Variants in XPO6 observed in about 807,000 individuals in gnomAD.
The protein encoded by XPO6 is exportin-6.
A neutral mutation model predicts 130.0 loss-of-function variants in XPO6; 3 were observed. The observed-to-expected ratio is 0.02, with a 90% CI of 0.01 to 0.06. The LOEUF is 0.06. Ranked by LOEUF, XPO6 falls within the 10% of genes least tolerant of loss-of-function variation. The probability of loss-of-function intolerance (pLI) is 1.00; values close to 1 mark genes in which losing one functional copy is unlikely to be tolerated. For missense variants in XPO6, 970 were observed against 1,393.0 expected (o/e 0.70, Z 4.83); for synonymous variants, 524 against 548.9 (o/e 0.95, Z 0.63).
At chr16:28,211,241 G>T in intron 1 of XPO6, 125 bp downstream of exon 1, 1 of 1,031,424 alleles carries the variant, frequency 9.7e-7, no homozygotes, top group Non-Finnish European at 1.3e-6. Context: ...ATGTGTCACC[G>T]GCCAGGCTCC....
Position 28,106,642 on chromosome 16 carries a change from C to T in XPO6, c.2498-145G>A, listed in dbSNP as rs921285695. ...AAACATTTCCCCAACACCATCAGGGCCAATGATGGAAAGTGGAAAACGATT... is the reference window on the plus strand; with the variant it reads ...AAACATTTCCCCAACACCATCAGGGTCAATGATGGAAAGTGGAAAACGATT... On this transcript the variant is annotated intron_variant, in intron 18 of 23. Transcript: ENST00000304658. This position sits in a 1 kb window ranked among gnomAD's most constrained non-coding sequence, Gnocchi z 4.2. The T allele has an allele frequency of 4.6e-6, 3 of 651,766 alleles. No homozygotes were observed. The Admixed American group carries it at 8.1e-5, about 18-fold the overall frequency. The allele number at this position is 651,766 out of a possible 1,614,324, so 40.4% of individuals were successfully genotyped here.
At position 28,147,580 on chromosome 16, in the gene XPO6, A is replaced by C. The variant is rs181586985; in HGVS notation, c.1225-1377T>G. On this transcript the variant is annotated intron_variant, in intron 8 of 23. Transcript: ENST00000304658. ...GTCCTGTCTCTACCTCATACTTGGC[A>C]ATACTGACAATATCCACGACATGAA... Among the ~76,000 whole-genome samples the C allele has an allele frequency of 2.0e-5, 3 of 152,348 alleles. No homozygotes were observed. In the East Asian group the frequency reaches 5.8e-4, roughly 29 times the overall value.
At chr16:28,133,702 C>T in intron 11 of XPO6, 139 bp downstream of exon 11, 2 of 754,852 alleles carry the variant, frequency 2.6e-6, no homozygotes, top group Non-Finnish European at 4.2e-6. Flanking sequence ...TTGAGCATCA[C>T]TTATGGTAAT....
At chr16:28,181,366 G>C (rs1596944797) in intron 1 of XPO6, among the ~76,000 whole-genome samples, 1 of 152,184 alleles carries the variant, frequency 6.6e-6, no homozygotes, top group South Asian at 2.1e-4. Flanking sequence ...GGGCAGAGCA[G>C]AGAGATTCAA....
intron 14 of XPO6, among the ~76,000 whole-genome samples, chr16:28,118,941 G>A (rs1270834864): frequency 6.6e-6 from 1 of 152,190 alleles, no homozygotes; most frequent in Non-Finnish European, 1.5e-5. Flanking sequence ...AAACGGATAG[G>A]ATTGCTACTG....
At chr16:28,146,513 T>A (rs1305394914) in intron 8 of XPO6, among the ~76,000 whole-genome samples, 2 of 152,200 alleles carry the variant, frequency 1.3e-5, no homozygotes, top group Non-Finnish European at 2.9e-5. Flanking sequence ...TTACAGATCA[T>A]CTAGTTTAAA....
At chr16:28,109,950 G>A (rs1436524609) in intron 17 of XPO6, among the ~76,000 whole-genome samples, 1 of 152,148 alleles carries the variant, frequency 6.6e-6, no homozygotes, top group Non-Finnish European at 1.5e-5. Flanking sequence ...GCAGAAAAAA[G>A]CATAAATGTG....
At chr16:28,177,793 G>C (rs1260158114) in intron 2 of XPO6, among the ~76,000 whole-genome samples, 1 of 152,094 alleles carries the variant, frequency 6.6e-6, no homozygotes, top group East Asian at 1.9e-4. Context: ...AAAAAGAAAA[G>C]ATTAAGACTA....
At chr16:28,182,633 T>G (rs1022374698) in intron 1 of XPO6, among the ~76,000 whole-genome samples, 2 of 152,238 alleles carry the variant, frequency 1.3e-5, no homozygotes, top group African/African-American at 4.8e-5. Context: ...CTAAAAAATA[T>G]CCTTGGCTTG....
At chr16:28,114,849 A>C (rs2087015286) in intron 15 of XPO6, among the ~76,000 whole-genome samples, 1 of 152,348 alleles carries the variant, frequency 6.6e-6, no homozygotes, top group East Asian at 1.9e-4. Context: ...CTGCTGCTTC[A>C]TCAACTGAGT....
chr16:28,148,411 A>G (rs2043022929), intron 8 of XPO6, among the ~76,000 whole-genome samples: 1 of 152,172 alleles, frequency 6.6e-6, no homozygotes, highest in African/African-American at 2.4e-5. Context: ...CCGGTCATCA[A>G]GATGATGGGC....
At chr16:28,201,149 T>C (rs138776061) in intron 1 of XPO6, among the ~76,000 whole-genome samples, 3 of 152,130 alleles carry the variant, frequency 2.0e-5, no homozygotes, top group Non-Finnish European at 4.4e-5. Context: ...TCTGACAACT[T>C]CCCTTGCTCA....
chr16:28,169,959 A>C, intron 4 of XPO6, 50 bp from the exon 5 acceptor site: 1 of 1,601,614 alleles, frequency 6.2e-7, no homozygotes, highest in African/African-American at 1.3e-5. Flanking sequence ...AATAAAGTAC[A>C]AAGAGGACTC....
intron 6 of XPO6, chr16:28,165,284 A>C (rs905643541): frequency 2.6e-5 from 4 of 152,248 alleles, no homozygotes; most frequent in Non-Finnish European, 5.9e-5. Flanking sequence ...GGATACTCCA[A>C]GACATTCGTT....
Position 28,101,291 on chromosome 16 carries a change from T to A in XPO6, c.3276+167A>T, listed in dbSNP as rs1464419406. 8.6e-6 allele frequency: 6 copies of A among 700,012 alleles called. No homozygotes were observed. The highest frequency in any genetic ancestry group is 1.6e-5 in the Non-Finnish European group (6 of 385,730). 43.4% of individuals were successfully genotyped at this position (700,012 alleles called of 1,614,324 possible). On this transcript the variant is annotated intron_variant, in intron 23 of 23. Transcript: ENST00000304658. This position sits in a 1 kb window ranked among gnomAD's most constrained non-coding sequence, Gnocchi z 5.4. ...CTGGGGAAAAGGCTGTGCCCCTCAA[T>A]CAGGCTACAGCACCAGGTCAGCAGG...
At chr16:28,204,263 T>G (rs2141913279) in intron 1 of XPO6, among the ~76,000 whole-genome samples, 1 of 152,010 alleles carries the variant, frequency 6.6e-6, no homozygotes, top group South Asian at 2.1e-4. Context: ...ATATAAAATG[T>G]TAAAAAATTG....
chr16:28,180,319 C>T (rs751913753), intron 2 of XPO6, among the ~76,000 whole-genome samples: 2 of 152,162 alleles, frequency 1.3e-5, no homozygotes, highest in African/African-American at 2.4e-5. Context: ...GAGCCGAGAT[C>T]GCCCCATGAA....
At chr16:28,162,395 T>C (rs1028786656) in intron 6 of XPO6, among the ~76,000 whole-genome samples, 6 of 152,198 alleles carry the variant, frequency 3.9e-5, no homozygotes, top group Non-Finnish European at 5.9e-5. Context: ...GCACTTCCAA[T>C]GCAAACCTAA....
At chr16:28,145,720 G>A (rs889536126) in intron 9 of XPO6, among the ~76,000 whole-genome samples, 1 of 152,144 alleles carries the variant, frequency 6.6e-6, no homozygotes, top group Non-Finnish European at 1.5e-5. Context: ...TGGGCAGCCT[G>A]TTTCTTCTCT....
Sources: allele counts gnomAD v4.1 joint callset (sites outside exome capture counted in the v4.1 genomes callset), GRCh38; gene constraint gnomAD v4.1.1; non-coding constraint Gnocchi (gnomAD v3.1); transcripts MANE v1.5; gene names NCBI Gene and HGNC (gene_info 2026-07-23, HGNC 2026-07-21).